The following EXT1 variants were observed in gnomAD, a reference collection of about 807,000 sequenced individuals.
EXT1 encodes the protein exostosin-1.
EXT1 carries 20 observed loss-of-function variants against 82.5 expected under a neutral mutation model. The observed-to-expected ratio is 0.24, with a 90% confidence interval of 0.17 to 0.35. The LOEUF is 0.35. Ranked by LOEUF, EXT1 falls within the 10% of genes least tolerant of loss-of-function variation. The probability of loss-of-function intolerance (pLI) is 1.00; values close to 1 mark genes in which losing one functional copy is unlikely to be tolerated. For missense variants in EXT1, 757 were observed against 936.5 expected, an observed-to-expected ratio of 0.81 and a Z score of 2.50; for synonymous variants, 348 against 350.8, an observed-to-expected ratio of 0.99 and a Z score of 0.09.
In EXT1 at chr8:118,033,666, C is replaced by T. The variant is rs368447588; in HGVS notation, c.962+76419G>A. Among the ~76,000 whole-genome samples the T allele has an allele frequency of 2.0e-4, 30 of 151,932 alleles. No homozygotes were observed. The East Asian group carries it at 4.5e-3, about 23-fold the overall frequency. ...GCTAATTTTTTGGTTTTTGTAGAGA[C>T]GAGGGGTCTCACTGTGTTGCCCTGA... On this transcript the variant is annotated intron_variant, in intron 1 of 10. Transcript: ENST00000378204.
Position 117,799,481 on chromosome 8 carries a change from C to T in EXT1, c.*231G>A. On this transcript the variant is annotated 3_prime_UTR_variant, in exon 11 of 11. Coordinates refer to ENST00000378204, the MANE Select transcript of EXT1 (RefSeq NM_000127.3). Reference sequence around the variant, plus strand: ...TGTTCCATAATTAAACTGTACACAACCTAGTCTTGGGACACAGAAGCCAGT... The same window carrying T: ...TGTTCCATAATTAAACTGTACACAATCTAGTCTTGGGACACAGAAGCCAGT... The T allele has an allele frequency of 1.7e-6, 1 of 579,224 alleles. No homozygotes were observed. The highest frequency in any genetic ancestry group is 3.1e-6 in the Non-Finnish European group (1 of 324,166). The allele number at this position is 579,224 out of a possible 1,614,324, so 35.9% of individuals were successfully genotyped here. A position where few individuals can be genotyped will look rare whatever the true frequency, so the allele number is the denominator to read the frequency against.
chr8:117,949,620 T>C (rs1223066865), intron 1 of EXT1, among the ~76,000 whole-genome samples: 2 of 151,466 alleles, frequency 1.3e-5, no homozygotes, highest in Admixed American at 6.6e-5. Flanking sequence ...ACAAAATAGA[T>C]TGTAATTAGA....
chr8:118,003,854 CA>C (rs971754570), intron 1 of EXT1, among the ~76,000 whole-genome samples: 2 of 152,162 alleles, frequency 1.3e-5, no homozygotes, highest in African/African-American at 4.8e-5. Context: ...TTATTTACTT[CA>C]AACAAGGTAT....
chr8:118,081,018 T>C (rs970211760), intron 1 of EXT1, among the ~76,000 whole-genome samples: 3 of 152,188 alleles, frequency 2.0e-5, no homozygotes, highest in African/African-American at 7.2e-5. Context: ...AGTTAATATT[T>C]AGGGAGCACT....
intron 1 of EXT1, among the ~76,000 whole-genome samples, chr8:117,841,116 C>A (rs1409269191): frequency 6.6e-6 from 1 of 152,182 alleles, no homozygotes; most frequent in Non-Finnish European, 1.5e-5. Flanking sequence ...AACTTGTCCA[C>A]AAATGTTCAC....
intron 1 of EXT1, among the ~76,000 whole-genome samples, chr8:117,974,537 A>C (rs1303352945): frequency 6.6e-6 from 1 of 152,186 alleles, no homozygotes; most frequent in African/African-American, 2.4e-5. Context: ...GTGAGATCAC[A>C]GCTCACTGCA....
At chr8:117,839,293 G>C (rs952392198) in intron 1 of EXT1, among the ~76,000 whole-genome samples, 1 of 152,064 alleles carries the variant, frequency 6.6e-6, no homozygotes, top group Admixed American at 6.6e-5. Flanking sequence ...AACTACTTGG[G>C]CTAGATGACT....
chr8:117,898,176 G>C (rs1440750198), intron 1 of EXT1, among the ~76,000 whole-genome samples: 1 of 152,202 alleles, frequency 6.6e-6, no homozygotes, highest in Non-Finnish European at 1.5e-5. Context: ...AGGTGTCACA[G>C]TGGTGGTTTA....
intron 1 of EXT1, 75 bp downstream of exon 1, chr8:118,110,007 TCCC>T: frequency 6.3e-7 from 1 of 1,583,044 alleles, no homozygotes; most frequent in Non-Finnish European, 8.5e-7. Flanking sequence ...CCTCACCCCA[TCCC>T]CCAACTTCAC....
chr8:117,893,979 T>C (rs1233945612), intron 1 of EXT1, among the ~76,000 whole-genome samples: 2 of 152,172 alleles, frequency 1.3e-5, no homozygotes, highest in African/African-American at 4.8e-5. Flanking sequence ...ACGACTCCTG[T>C]TAGGTCTGTT....
intron 1 of EXT1, among the ~76,000 whole-genome samples, chr8:117,870,502 G>C (rs1468314145): frequency 6.6e-6 from 1 of 150,448 alleles, no homozygotes; most frequent in Non-Finnish European, 1.5e-5. Flanking sequence ...GGAGGGGTCT[G>C]ATGTTGATCT....
chr8:118,088,098 C>T (rs1266621686), intron 1 of EXT1, among the ~76,000 whole-genome samples: 1 of 152,138 alleles, frequency 6.6e-6, no homozygotes, highest in Admixed American at 6.6e-5. Flanking sequence ...CCCTTCTTCT[C>T]CCGGCTGCTG....
chr8:117,889,249 G>A (rs1813201301), intron 1 of EXT1, among the ~76,000 whole-genome samples: 1 of 152,130 alleles, frequency 6.6e-6, no homozygotes, highest in Non-Finnish European at 1.5e-5. Flanking sequence ...ATTCAGGTGA[G>A]TGAAAAATAC....
intron 1 of EXT1, among the ~76,000 whole-genome samples, chr8:117,877,415 G>A (rs1232514978): frequency 6.6e-6 from 1 of 152,142 alleles, no homozygotes; most frequent in Non-Finnish European, 1.5e-5. Context: ...GAGACTTGTT[G>A]TCTCCACTGT....
intron 7 of EXT1, 33 bp downstream of exon 7, chr8:117,818,402 T>C (rs780954144): frequency 3.4e-5 from 54 of 1,582,844 alleles, no homozygotes; most frequent in Non-Finnish European, 4.5e-5. Context: ...GGCTCCACAG[T>C]GGTTCCACAT....
chr8:117,876,891 G>T (rs555586036), intron 1 of EXT1, among the ~76,000 whole-genome samples: 64 of 152,256 alleles, frequency 4.2e-4, no homozygotes, highest in South Asian at 8.3e-4. Context: ...AATTGTAAAG[G>T]AATGTCACAA....
At chr8:118,070,985 A>T (rs1817081076) in intron 1 of EXT1, among the ~76,000 whole-genome samples, 1 of 152,236 alleles carries the variant, frequency 6.6e-6, no homozygotes, top group African/African-American at 2.4e-5. Context: ...ACCCTTTCAG[A>T]ATAAATATTA....
intron 1 of EXT1, among the ~76,000 whole-genome samples, chr8:117,912,273 T>C (rs955856851): frequency 2.6e-5 from 4 of 152,198 alleles, no homozygotes; most frequent in Non-Finnish European, 5.9e-5. Flanking sequence ...CTTGCCATCA[T>C]TAGAGATTGC....
At chr8:117,929,957 A>G in intron 1 of EXT1, among the ~76,000 whole-genome samples, 1 of 152,092 alleles carries the variant, frequency 6.6e-6, no homozygotes, top group East Asian at 1.9e-4. Flanking sequence ...AAAACACAAA[A>G]ATTAGCTGGG....
Sources: allele counts gnomAD v4.1 joint callset (sites outside exome capture counted in the v4.1 genomes callset), GRCh38; gene constraint gnomAD v4.1.1; transcripts MANE v1.5; gene names NCBI Gene and HGNC (gene_info 2026-07-23, HGNC 2026-07-21).